The following CDK17 variants were observed in gnomAD, a reference collection of about 807,000 sequenced individuals.
CDK17 encodes cyclin-dependent kinase 17.
In CDK17, 24 loss-of-function variants were observed where a neutral mutation model predicts 77.6. The ratio of observed to expected loss-of-function variants is 0.31; its 90% CI spans 0.22 to 0.44. CDK17 has a LOEUF of 0.44. Among genes scored for constraint, CDK17 ranks in the 20% least tolerant of loss-of-function variants. CDK17 has a pLI of 1.00. For synonymous variants in CDK17, 203 were observed against 210.4 expected (o/e 0.96, Z 0.30); for missense variants, 429 against 622.5 (o/e 0.69, Z 3.31).
rs1193013033 is a variant in CDK17, at chr12:96,322,425, G to T, written c.283+1523C>A. ...TGTATTTTTAAAGGATTATTAAACA[G>T]AGAAGAATATGCAATGGAGACTGTA... On this transcript the variant is annotated intron_variant, in intron 3 of 16. Coordinates refer to ENST00000261211, the MANE Select transcript of CDK17 (RefSeq NM_002595.5). 2.0e-5 allele frequency among the ~76,000 whole-genome samples: 3 copies of T among 150,778 alleles called. No individual in the cohort carries two copies. The East Asian group carries it at 5.8e-4, about 29-fold the overall frequency.
In CDK17 at chr12:96,314,368, A is replaced by G. The variant is rs115979027; in HGVS notation, c.284-914T>C. 5.9e-5 allele frequency among the ~76,000 whole-genome samples: 8 copies of G among 136,368 alleles called. No homozygotes were observed. In the South Asian group the frequency reaches 6.4e-4, roughly 11 times the overall value. The allele number at this position is 136,368 out of a possible 152,430, so 89.5% of individuals were successfully genotyped here. On this transcript the variant is annotated intron_variant, in intron 3 of 16. Coordinates refer to ENST00000261211, the MANE Select transcript of CDK17 (RefSeq NM_002595.5). Reference sequence around the variant, plus strand: ...CACATCTGGTGTTTTGTTTTGTTTTATTTTATTTTATTTTTTTTGTAGAGA... The same window carrying G: ...CACATCTGGTGTTTTGTTTTGTTTTGTTTTATTTTATTTTTTTTGTAGAGA...
intron 1 of CDK17, among the ~76,000 whole-genome samples, chr12:96,380,096 G>A (rs1304097311): frequency 6.6e-6 from 1 of 151,234 alleles, no homozygotes; most frequent in African/African-American, 2.4e-5. Context: ...CTGAACCCAG[G>A]AGGTTGAGCC....
At chr12:96,351,851 C>T (rs1437619877) in intron 1 of CDK17, among the ~76,000 whole-genome samples, 1 of 152,070 alleles carries the variant, frequency 6.6e-6, no homozygotes, top group African/African-American at 2.4e-5. Flanking sequence ...CAGAATATAT[C>T]AGGATTAGCG....
chr12:96,355,127 C>T (rs1953373381), intron 1 of CDK17, among the ~76,000 whole-genome samples: 2 of 152,114 alleles, frequency 1.3e-5, no homozygotes, highest in Non-Finnish European at 2.9e-5. Context: ...GCCTGCCCAT[C>T]TCCTTTTTAA....
intron 1 of CDK17, among the ~76,000 whole-genome samples, chr12:96,352,596 AC>A (rs1953328314): frequency 1.3e-5 from 2 of 152,184 alleles, no homozygotes; most frequent in Admixed American, 1.3e-4. Context: ...AACATCTGAT[AC>A]CAGTGGTAAA....
rs1472821811 is a variant in CDK17 at position 96,323,950 on chromosome 12, A to AAT, written c.279_280dup (p.Leu94TyrfsTer2). 6.3e-7 allele frequency: 1 copy of AAT among 1,582,138 alleles called. No individual in the cohort carries two copies. ...CAACAGACAAGTAATCAAATTACCT[A>AAT]ATCTGCTTCCATTTCTGGGCATTGC... On this transcript the variant is annotated frameshift_variant, in exon 3 of 17. Coordinates refer to ENST00000261211, the MANE Select transcript of CDK17 (RefSeq NM_002595.5). LOFTEE classifies it high-confidence loss of function.
chr12:96,323,747 G>A (rs923812882), intron 3 of CDK17, among the ~76,000 whole-genome samples: 1 of 152,122 alleles, frequency 6.6e-6, no homozygotes. Context: ...CTGATGGACA[G>A]GTTTTTCAAA....
intron 1 of CDK17, among the ~76,000 whole-genome samples, chr12:96,394,979 A>G (rs1032020904): frequency 1.3e-5 from 2 of 151,376 alleles, no homozygotes; most frequent in African/African-American, 2.4e-5. Context: ...AAGTTCAAGC[A>G]ATTCTCCTGC....
intron 1 of CDK17, among the ~76,000 whole-genome samples, chr12:96,375,379 T>A (rs1391024261): frequency 2.6e-5 from 4 of 151,982 alleles, no homozygotes; most frequent in African/African-American, 9.7e-5. Flanking sequence ...CAGCCACACA[T>A]ACACACACAC....
chr12:96,382,555 GA>G (rs1953901028), intron 1 of CDK17, among the ~76,000 whole-genome samples: 1 of 151,770 alleles, frequency 6.6e-6, no homozygotes, highest in Non-Finnish European at 1.5e-5. Context: ...GAGATACAAT[GA>G]AAAAAGAAAA....
At chr12:96,332,968 T>C (rs1952992494) in intron 2 of CDK17, among the ~76,000 whole-genome samples, 1 of 152,224 alleles carries the variant, frequency 6.6e-6, no homozygotes, top group Non-Finnish European at 1.5e-5. Context: ...CTTTGACTCA[T>C]ATCTTTTCTT....
chr12:96,337,955 AGT>A (rs1953069254), intron 1 of CDK17, among the ~76,000 whole-genome samples: 1 of 152,200 alleles, frequency 6.6e-6, no homozygotes, highest in Non-Finnish European at 1.5e-5. Flanking sequence ...GCCTGATAAG[AGT>A]GTCTCTACAT....
intron 6 of CDK17, among the ~76,000 whole-genome samples, chr12:96,299,401 T>C (rs1013307850): frequency 6.6e-6 from 1 of 151,622 alleles, no homozygotes; most frequent in African/African-American, 2.4e-5. Flanking sequence ...TTTTTTTTTT[T>C]TTTTTTTGAG....
intron 1 of CDK17, among the ~76,000 whole-genome samples, chr12:96,370,482 A>G (rs1953673021): frequency 6.6e-6 from 1 of 152,226 alleles, no homozygotes; most frequent in Admixed American, 6.5e-5. Context: ...AGAATATGCA[A>G]TTCAGAGCAA....
At chr12:96,391,463 G>A (rs1201453752) in intron 1 of CDK17, among the ~76,000 whole-genome samples, 3 of 151,190 alleles carry the variant, frequency 2.0e-5, no homozygotes, top group African/African-American at 7.3e-5. Context: ...CTAATTTTTT[G>A]TATTTTTAGT....
At chr12:96,392,496 T>C (rs545553324) in intron 1 of CDK17, among the ~76,000 whole-genome samples, 2 of 152,154 alleles carry the variant, frequency 1.3e-5, no homozygotes, top group East Asian at 3.9e-4. Context: ...CGTAAGAAAG[T>C]GACACAGGAA....
intron 11 of CDK17, 64 bp downstream of exon 11, chr12:96,289,103 A>C: frequency 6.6e-7 from 1 of 1,516,018 alleles, no homozygotes; most frequent in Non-Finnish European, 9.2e-7. Context: ...TTATCAATAC[A>C]TCTTGCATTA....
intron 2 of CDK17, among the ~76,000 whole-genome samples, chr12:96,331,390 T>G (rs1952964635): frequency 6.6e-6 from 1 of 152,322 alleles, no homozygotes. Context: ...TGCAAAAATT[T>G]TATTTCATAT....
chr12:96,340,729 A>C (rs900104282), intron 1 of CDK17, among the ~76,000 whole-genome samples: 1 of 152,220 alleles, frequency 6.6e-6, no homozygotes, highest in Non-Finnish European at 1.5e-5. Flanking sequence ...TTACTATAAT[A>C]GGGCAGTGCT....
Sources: gnomAD v4.1 joint callset for allele counts (sites outside exome capture counted in the v4.1 genomes callset) on GRCh38, gnomAD v4.1.1 for gene constraint, MANE v1.5 for transcripts, NCBI Gene and HGNC (gene_info 2026-07-23, HGNC 2026-07-21) for gene names.